The following ART3 variants were observed in gnomAD, a reference collection of about 807,000 sequenced individuals.
ART3 encodes the protein ADP-ribosyltransferase 3 (inactive).
Under a neutral mutation model 48.5 loss-of-function variants are expected in ART3, and 49 were observed. That is an observed-to-expected ratio of 1.01 (90% CI 0.80 to 1.28). The LOEUF is 1.28. ART3 is among the 50% of genes most tolerant of loss of function. The pLI is 0.00. For synonymous variants in ART3, 145 were observed against 157.2 expected (o/e 0.92, Z 0.58); for missense variants, 438 against 454.3 (o/e 0.96, Z 0.33).
rs767185896 is a variant in ART3 at position 76,022,503 on chromosome 4, A to G, written c.-10+11183A>G. Reference sequence around the variant, plus strand: ...AAATATTTAAAACTGTGTTGGGTCAATAAAACAGATGGCATACGCAGTTCT... The same window carrying G: ...AAATATTTAAAACTGTGTTGGGTCAGTAAAACAGATGGCATACGCAGTTCT... On this transcript the variant is annotated intron_variant, in intron 1 of 9. Transcript: ENST00000341029. 5 of 1,561,204 alleles carry G rather than the reference A, an allele frequency of 3.2e-6. No homozygotes were observed. The Admixed American group carries it at 6.7e-5, about 21-fold the overall frequency.
At chr4:76,067,815 C>G (rs1273413396) in intron 1 of ART3, among the ~76,000 whole-genome samples, 1 of 152,142 alleles carries the variant, frequency 6.6e-6, no homozygotes, top group Non-Finnish European at 1.5e-5. Context: ...CAGTGGCCTG[C>G]CATTGAAGAA....
chr4:76,104,179 C>T (rs1410832973), intron 9 of ART3, among the ~76,000 whole-genome samples: 2 of 152,170 alleles, frequency 1.3e-5, no homozygotes, highest in African/African-American at 4.8e-5. Flanking sequence ...GTCTCTGGGG[C>T]AGGAAAGTTA....
chr4:76,053,104 T>C (rs1207506497), intron 1 of ART3, among the ~76,000 whole-genome samples: 2 of 152,146 alleles, frequency 1.3e-5, no homozygotes, highest in African/African-American at 4.8e-5. Flanking sequence ...AAAGAAGAAA[T>C]AAGCTTTAGT....
At chr4:76,042,694 G>A (rs575710424) in intron 1 of ART3, among the ~76,000 whole-genome samples, 14 of 151,694 alleles carry the variant, frequency 9.2e-5, no homozygotes, top group African/African-American at 2.9e-4. Flanking sequence ...TCGTGGTCTC[G>A]CTGGCTCAGG....
Position 76,074,740 on chromosome 4 carries a change from C to T in ART3, c.-89C>T, listed in dbSNP as rs148034165. On this transcript the variant is annotated 5_prime_UTR_variant, in exon 1 of 12. Transcript: ENST00000355810. ...TGTCAACAACATCCCATCCTGAAGA[C>T]TTGCTTACCACAACTGAGAGTGGGG... 1.2e-3 allele frequency: 177 copies of T among 152,296 alleles called. 3 individuals are homozygous for T. Among genetic ancestry groups the T allele is most frequent in the African/African-American group, 4.0e-3 (165 of 41,568 alleles). The allele number at this position is 152,296 out of a possible 1,614,324, so 9.4% of individuals were successfully genotyped here. A position where few individuals can be genotyped will look rare whatever the true frequency, so the allele number is the denominator to read the frequency against.
chr4:76,110,580 TA>T (rs5859494), intron 11 of ART3, among the ~76,000 whole-genome samples: 54,701 of 150,922 alleles, frequency 0.36, 10,364 homozygotes, highest in East Asian at 0.77. Flanking sequence ...GAAAAATTGC[TA>T]AAAAAAAATG....
chr4:76,032,395 T>C (rs920250635), intron 1 of ART3, among the ~76,000 whole-genome samples: 1 of 151,938 alleles, frequency 6.6e-6, no homozygotes, highest in Non-Finnish European at 1.5e-5. Context: ...TTTATAGAGA[T>C]GAATTTTCGC....
At chr4:76,046,867 G>A (rs868174953) in intron 1 of ART3, among the ~76,000 whole-genome samples, 1 of 151,962 alleles carries the variant, frequency 6.6e-6, no homozygotes, top group African/African-American at 2.4e-5. Context: ...GGGTGGTAAC[G>A]GACCTTGAGG....
chr4:76,026,344 C>T (rs923681207), intron 1 of ART3, among the ~76,000 whole-genome samples: 1 of 151,914 alleles, frequency 6.6e-6, no homozygotes, highest in Non-Finnish European at 1.5e-5. Context: ...AAAATGTATG[C>T]CCCAGGAGAA....
Position 76,079,749 on chromosome 4 carries a change from T to A in ART3, c.70-2075T>A, listed in dbSNP as rs970794723. Among the ~76,000 whole-genome samples the A allele has an allele frequency of 4.0e-5, 6 of 151,742 alleles. No individual in the cohort carries two copies. In the East Asian group the frequency reaches 1.2e-3, roughly 29 times the overall value. On this transcript the variant is annotated intron_variant, in intron 2 of 11. Transcript: ENST00000355810. ...CTATACGTGGGAAATGAAGTGGAGATGGCAAGGACAGACATCTCTTTCAAG... is the reference window on the plus strand; with the variant it reads ...CTATACGTGGGAAATGAAGTGGAGAAGGCAAGGACAGACATCTCTTTCAAG...
intron 1 of ART3, among the ~76,000 whole-genome samples, chr4:76,019,599 G>A (rs1732595103): frequency 2.1e-5 from 2 of 93,976 alleles, no homozygotes; most frequent in African/African-American, 4.0e-5. Flanking sequence ...GACTACAGGC[G>A]CCCGCCACTA....
In ART3 at chr4:76,094,488, G is replaced by T. The variant is rs1008389715; in HGVS notation, c.782-3156G>T. ...ATTTTATATTTCTAAAAATATTCTT[G>T]AGCTTTGTTCTGGTACATAGTTAAT... On this transcript the variant is annotated intron_variant, in intron 3 of 11. Coordinates refer to ENST00000355810, the MANE Select transcript of ART3 (RefSeq NM_001130016.3). Among the ~76,000 whole-genome samples the T allele has an allele frequency of 2.6e-5, 4 of 152,122 alleles. No homozygotes were observed. In the East Asian group the frequency reaches 7.7e-4, roughly 29 times the overall value.
chr4:76,026,575 A>C (rs4487370), intron 1 of ART3, among the ~76,000 whole-genome samples: 1,736 of 152,374 alleles, frequency 0.011, 37 homozygotes, highest in African/African-American at 0.039. Flanking sequence ...CCCAGAAGTT[A>C]GTTTAGATTT....
At chr4:76,070,012 G>A (rs1166226221), upstream of ART3, among the ~76,000 whole-genome samples, 3 of 151,942 alleles carry the variant, frequency 2.0e-5, no homozygotes, top group Non-Finnish European at 4.4e-5. Flanking sequence ...ACATTTTGAG[G>A]ACATTTGTTC....
chr4:76,015,598 G>A (rs886445921), intron 1 of ART3, among the ~76,000 whole-genome samples: 8 of 152,158 alleles, frequency 5.3e-5, no homozygotes, highest in Non-Finnish European at 1.0e-4. Flanking sequence ...AATGAATTAA[G>A]CTCTGGCCTA....
intron 3 of ART3, among the ~76,000 whole-genome samples, chr4:76,097,422 G>GAAC: frequency 6.6e-6 from 1 of 151,986 alleles, no homozygotes; most frequent in Non-Finnish European, 1.5e-5. Flanking sequence ...GCCCAGGCTG[G>GAAC]TCTTGAACTC....
At chr4:76,076,648 C>T (rs80048914) in intron 2 of ART3, among the ~76,000 whole-genome samples, 17,792 of 152,084 alleles carry the variant, frequency 0.12, 1,357 homozygotes, top group East Asian at 0.35. Context: ...CTGCATGTCA[C>T]GCATGTCATC....
intron 2 of ART3, 59 bp downstream of exon 2, chr4:76,076,017 T>TTA: frequency 6.7e-7 from 1 of 1,497,638 alleles, no homozygotes; most frequent in Non-Finnish European, 9.2e-7. Context: ...TTTTTTTTTT[T>TTA]TTGAGACGGA....
chr4:76,104,508 T>G, intron 9 of ART3, 89 bp from the exon 10 acceptor site: 1 of 1,545,546 alleles, frequency 6.5e-7, no homozygotes, highest in Non-Finnish European at 8.7e-7. Flanking sequence ...CCTTGGGTGC[T>G]TGCATCTCTT....
Sources: allele counts gnomAD v4.1 joint callset (sites outside exome capture counted in the v4.1 genomes callset), GRCh38; gene constraint gnomAD v4.1.1; transcripts MANE v1.5; gene names NCBI Gene and HGNC (gene_info 2026-07-23, HGNC 2026-07-21).